Variants in STARD9 observed in about 807,000 individuals in gnomAD.
STARD9 encodes the protein StAR related lipid transfer domain containing 9.
STARD9 carries 346 observed loss-of-function variants against 399.8 expected under a neutral mutation model. The observed-to-expected ratio is 0.87, with a 90% CI of 0.79 to 0.95. The LOEUF is 0.95. STARD9 is among the 40% of genes least tolerant of loss of function. The pLI is 0.00. For synonymous variants in STARD9, 2,203 were observed against 2,143.5 expected (o/e 1.03, Z -0.77); for missense variants, 5,832 against 5,667.5 (o/e 1.03, Z -0.93).
chr15:42,718,486 T>C lies in STARD9; in HGVS notation c.13814T>C (p.Phe4605Ser). ...TLCALKQPRD[F>S]CCVCVEAKEG... is the part of the protein sequence containing the mutation. ...TGCGCACTGAAGCAGCCACGGGATT[T>C]CTGTTGTGTCTGCGTGGAAGCCAAA... is the stretch of plus-strand genomic sequence containing the variant. The change falls in exon 31 of 33, where the codon TTC becomes TCC. Residue 4605 changes from phenylalanine to serine, a missense_variant. Phe to Ser is a radical substitution (Grantham distance 155). This residue lies in a region of STARD9 where 5,828 missense variants were observed against 5,651.1 expected (regional missense o/e 1.03). Coordinates refer to ENST00000290607, the MANE Select transcript of STARD9 (RefSeq NM_020759.3). 6.5e-7 allele frequency: 1 copy of C among 1,537,234 alleles called. No individual in the cohort carries two copies. Among genetic ancestry groups the C allele is most frequent in the Non-Finnish European group, 8.7e-7 (1 of 1,146,882 alleles).
rs537715420 is a variant in STARD9 at position 42,619,600 on chromosome 15, G to A, written c.235-15256G>A. On this transcript the variant is annotated intron_variant, in intron 3 of 32. Coordinates refer to ENST00000290607, the MANE Select transcript of STARD9 (RefSeq NM_020759.3). ...AAGGAACATGCAGCCTAGAACCCTC[G>A]CAGGCACCTGTGCAGTTTAATAGGG... Among the ~76,000 whole-genome samples the A allele has an allele frequency of 4.6e-4, 70 of 151,802 alleles. 1 individual carries two copies. Among genetic ancestry groups the A allele is most frequent in the South Asian group, 3.6e-3 (17 of 4,778 alleles).
chr15:42,678,732 A>G (rs1298337365), intron 20 of STARD9, among the ~76,000 whole-genome samples: 4 of 152,202 alleles, frequency 2.6e-5, no homozygotes. Flanking sequence ...GGGATACTGG[A>G]GCCATCAGAG....
rs1017593469 is a variant in STARD9, at chr15:42,687,673, C to A, written c.6095C>A (p.Pro2032His). The change falls in exon 23 of 33, where the codon CCT (proline) becomes CAT (histidine). Residue 2032 changes from proline (P) to histidine (H), a missense_variant. Coordinates refer to ENST00000290607, the MANE Select transcript of STARD9 (RefSeq NM_020759.3). ...GAAATGTTAAATCCCAACAGAGAAC[C>A]TTCTGGAAAGAAACAGAATAAAAGA... Reference protein sequence around the residue: ...SQEMLNPNREPSGKKQNKRVN... With the variant: ...SQEMLNPNREHSGKKQNKRVN... The A allele has an allele frequency of 2.6e-6, 4 of 1,537,050 alleles. No individual in the cohort carries two copies. The highest frequency in any genetic ancestry group is 8.7e-7 in the Non-Finnish European group (1 of 1,146,834).
chr15:42,654,846 A>G (rs2059833304), intron 9 of STARD9, among the ~76,000 whole-genome samples: 1 of 152,258 alleles, frequency 6.6e-6, no homozygotes, highest in Non-Finnish European at 1.5e-5. Flanking sequence ...GAAAATGGCC[A>G]TACTGCCTAA....
intron 12 of STARD9, 74 bp downstream of exon 12, chr15:42,663,564 G>C: frequency 1.3e-6 from 1 of 796,284 alleles, no homozygotes; most frequent in Non-Finnish European, 2.0e-6. Flanking sequence ...TGGCCCCAGT[G>C]AGTGGGATGC....
At chr15:42,601,177 T>C (rs1461187220) in intron 3 of STARD9, among the ~76,000 whole-genome samples, 1 of 152,072 alleles carries the variant, frequency 6.6e-6, no homozygotes, top group Non-Finnish European at 1.5e-5. Context: ...AGAGCACGGG[T>C]TGGGGGTAAG....
chr15:42,613,005 AAAAAAG>A (rs1019140037), intron 3 of STARD9, among the ~76,000 whole-genome samples: 2 of 151,614 alleles, frequency 1.3e-5, no homozygotes, highest in African/African-American at 4.8e-5. Context: ...AAAAAAAAAA[AAAAAAG>A]AGCAACATCT....
chr15:42,681,683 T>C lies in STARD9; in HGVS notation c.2065+71T>C, dbSNP rs929295788. 8.3e-6 allele frequency: 11 copies of C among 1,324,544 alleles called. No homozygotes were observed. In the African/African-American group the frequency reaches 1.2e-4, roughly 14 times the overall value. 82.0% of individuals were successfully genotyped at this position (1,324,544 alleles called of 1,614,324 possible). ...TCATTTTCATGCTTCCTCAGCCTTC[T>C]GTATTCTCTCTTTTGTTTTCTTTGT... On this transcript the variant is annotated intron_variant, in intron 21 of 32. Coordinates refer to ENST00000290607, the MANE Select transcript of STARD9 (RefSeq NM_020759.3).
chr15:42,626,428 C>T (rs972981239), intron 3 of STARD9, among the ~76,000 whole-genome samples: 3 of 151,160 alleles, frequency 2.0e-5, no homozygotes, highest in African/African-American at 7.3e-5. Context: ...TCCTCCTCTT[C>T]TTCTTCTTCC....
chr15:42,601,901 G>T (rs759149295), intron 3 of STARD9, among the ~76,000 whole-genome samples: 5 of 152,170 alleles, frequency 3.3e-5, no homozygotes, highest in Non-Finnish European at 4.4e-5. Context: ...GGGCTGGAGT[G>T]CAGTGGTGCG....
At position 42,694,217 on chromosome 15, in the gene STARD9, A is replaced by T; in HGVS notation, c.12639A>T (p.Thr4213=). The change falls in exon 23 of 33, where the codon ACA becomes ACT. Residue 4213 remains threonine, a synonymous_variant. Coordinates refer to ENST00000290607, the MANE Select transcript of STARD9 (RefSeq NM_020759.3). The part of the protein sequence containing the change: ...AQNLSLSVEL[T]EAKLHHGFGE... ...ACCTCTCACTCAGCGTGGAACTCAC[A>T]GAAGCGAAACTGCACCATGGCTTTG... The T allele has an allele frequency of 6.5e-7, 1 of 1,535,754 alleles. No individual in the cohort carries two copies.
intron 3 of STARD9, among the ~76,000 whole-genome samples, chr15:42,613,008 A>AG (rs1202303329): frequency 6.6e-6 from 1 of 150,672 alleles, no homozygotes; most frequent in Non-Finnish European, 1.5e-5. Flanking sequence ...AAAAAAAAAA[A>AG]AAGAGCAACA....
At chr15:42,626,273 C>CTCCTCTTCCTCCTCT (rs1007638096) in intron 3 of STARD9, among the ~76,000 whole-genome samples, 31 of 146,720 alleles carry the variant, frequency 2.1e-4, no homozygotes, top group Non-Finnish European at 1.6e-4. Flanking sequence ...CCTCTTCCTC[C>CTCCTCTTCCTCCTCT]TCCTCTTCCT....
chr15:42,691,791 C>G lies in STARD9; in HGVS notation c.10213C>G (p.Pro3405Ala). 6.5e-7 allele frequency: 1 copy of G among 1,537,282 alleles called. No individual in the cohort carries two copies. Among genetic ancestry groups the G allele is most frequent in the Non-Finnish European group, 8.7e-7 (1 of 1,146,916 alleles). Residue 3405 changes from proline (P) to alanine (A), a missense_variant, in exon 23 of 33, where the codon CCT (proline) becomes GCT (alanine). Physicochemically the swap from Pro to Ala is conservative, Grantham distance 27 (BLOSUM62 -1). Coordinates refer to ENST00000290607, the MANE Select transcript of STARD9 (RefSeq NM_020759.3). ...TDHRHLKPAT[P>A]PYPMPSTLSH... is the part of the protein sequence containing the mutation. Reference sequence around the variant, plus strand: ...TCACAGGCACCTGAAGCCTGCCACCCCTCCTTATCCAATGCCTTCCACTCT... The same window carrying G: ...TCACAGGCACCTGAAGCCTGCCACCGCTCCTTATCCAATGCCTTCCACTCT...
At chr15:42,715,792 G>A (rs945278581) in intron 26 of STARD9, among the ~76,000 whole-genome samples, 1 of 151,992 alleles carries the variant, frequency 6.6e-6, no homozygotes, top group African/African-American at 2.4e-5. Flanking sequence ...ACAGGCATGA[G>A]CCACCGCCCG....
intron 3 of STARD9, among the ~76,000 whole-genome samples, chr15:42,614,323 T>C (rs759240171): frequency 6.6e-6 from 1 of 151,146 alleles, no homozygotes; most frequent in Non-Finnish European, 1.5e-5. Flanking sequence ...AAAAAAATTA[T>C]AAGAAGGCTT....
chr15:42,669,341 A>AGG lies in STARD9; in HGVS notation c.1497+5_1497+6dup, dbSNP rs937502186. The AGG allele has an allele frequency of 3.8e-5, 57 of 1,509,112 alleles. No homozygotes were observed. The Admixed American group carries it at 1.1e-3, about 29-fold the overall frequency. The allele number at this position is 1,509,112 out of a possible 1,614,324, so 93.5% of individuals were successfully genotyped here. A position where few individuals can be genotyped will look rare whatever the true frequency, so the allele number is the denominator to read the frequency against. Reference sequence around the variant, plus strand: ...TGTTGTGCTCTATCATCTCAAGGTGAGGAGGCTAGTGTATCCTTTTCTTCC... The same window carrying AGG: ...TGTTGTGCTCTATCATCTCAAGGTGAGGGGAGGCTAGTGTATCCTTTTCTTCC... On this transcript the variant is annotated splice_donor_region_variant and intron_variant, in intron 16 of 32. Transcript: ENST00000290607.
chr15:42,602,159 T>A (rs760919929), intron 3 of STARD9, among the ~76,000 whole-genome samples: 3 of 152,238 alleles, frequency 2.0e-5, no homozygotes, highest in Non-Finnish European at 4.4e-5. Flanking sequence ...CAAATTTTAA[T>A]TTAGTGTTTG....
At chr15:42,607,420 C>T (rs774919595) in intron 3 of STARD9, among the ~76,000 whole-genome samples, 3 of 151,626 alleles carry the variant, frequency 2.0e-5, no homozygotes, top group Non-Finnish European at 4.4e-5. Context: ...CCAGGCTGGT[C>T]TCAAACTCCT....
Sources: gnomAD v4.1 joint callset for allele counts (sites outside exome capture counted in the v4.1 genomes callset) on GRCh38, gnomAD v4.1.1 for gene constraint, gnomAD v4.1.1 regional missense constraint, MANE v1.5 for transcripts, NCBI Gene and HGNC (gene_info 2026-07-23, HGNC 2026-07-21) for gene names.